The following ST3GAL1 variants were observed in gnomAD, a reference collection of about 807,000 sequenced individuals.
The protein encoded by ST3GAL1 is ST3 beta-galactoside alpha-2,3-sialyltransferase 1, also known as CMP-N-acetylneuraminate-beta-galactosamide-alpha-2,3-sialyltransferase 1.
A neutral mutation model predicts 34.1 loss-of-function variants in ST3GAL1; 16 were observed. The ratio of observed to expected loss-of-function variants is 0.47; its 90% confidence interval spans 0.32 to 0.71. The LOEUF is 0.71. Among genes scored for constraint, ST3GAL1 ranks in the 30% least tolerant of loss-of-function variants. ST3GAL1 has a pLI of 0.04. For missense variants in ST3GAL1, 353 were observed against 447.4 expected (o/e 0.79, Z 1.90); for synonymous variants, 191 against 184.7 (o/e 1.03, Z -0.28).
At chr8:133,538,501 C>A (rs55936234) in intron 2 of ST3GAL1, among the ~76,000 whole-genome samples, 1 of 152,004 alleles carries the variant, frequency 6.6e-6, no homozygotes, top group Non-Finnish European at 1.5e-5. Context: ...GGCGACAGAG[C>A]GAGACTCCAT....
intron 2 of ST3GAL1, among the ~76,000 whole-genome samples, chr8:133,507,579 A>T (rs1817384240): frequency 6.6e-6 from 1 of 152,188 alleles, no homozygotes; most frequent in South Asian, 2.1e-4. Flanking sequence ...GAGATAATAT[A>T]GGCCAAGTCT....
At chr8:133,533,081 C>T (rs1006869569) in intron 2 of ST3GAL1, among the ~76,000 whole-genome samples, 2 of 152,152 alleles carry the variant, frequency 1.3e-5, no homozygotes, top group Admixed American at 1.3e-4. Flanking sequence ...TCTGAATTTC[C>T]GCTGGATGCT....
chr8:133,518,487 A>T (rs1817708491), intron 2 of ST3GAL1, among the ~76,000 whole-genome samples: 2 of 152,236 alleles, frequency 1.3e-5, no homozygotes, highest in South Asian at 2.1e-4. Flanking sequence ...GTTGGAAAAG[A>T]CTTTTAAAAG....
intron 1 of ST3GAL1, among the ~76,000 whole-genome samples, chr8:133,547,477 T>C (rs1028074859): frequency 6.6e-6 from 1 of 152,130 alleles, no homozygotes; most frequent in Non-Finnish European, 1.5e-5. Flanking sequence ...TTGCCATGGC[T>C]GGTCTTGAGC....
At chr8:133,553,553 G>A (rs1257129487) in intron 1 of ST3GAL1, among the ~76,000 whole-genome samples, 1 of 152,214 alleles carries the variant, frequency 6.6e-6, no homozygotes, top group Non-Finnish European at 1.5e-5. Context: ...CAGTACCTGT[G>A]TCTCCTCTTT....
chr8:133,502,360 G>T lies in ST3GAL1; in HGVS notation c.-428-3171C>A, dbSNP rs141601329. ...ACTGTATTTGGAGATAAGGCCTTTA[G>T]GAAGGTAATAAGGTTAAATGAGGTC... is the stretch of plus-strand genomic sequence containing the variant. On this transcript the variant is annotated intron_variant, in intron 2 of 9. Coordinates refer to ENST00000522652, the MANE Select transcript of ST3GAL1 (RefSeq NM_173344.3). Among the ~76,000 whole-genome samples, 300 of 151,326 alleles carry T rather than the reference G, an allele frequency of 2.0e-3. 5 individuals are homozygous for T. Among genetic ancestry groups the T allele is most frequent in the African/African-American group, 7.1e-3 (291 of 41,120 alleles).
intron 1 of ST3GAL1, among the ~76,000 whole-genome samples, chr8:133,547,063 T>C (rs1326896521): frequency 6.6e-6 from 1 of 151,186 alleles, no homozygotes; most frequent in Non-Finnish European, 1.5e-5. Context: ...CCCTCAACTC[T>C]TAACCACTGC....
intron 2 of ST3GAL1, among the ~76,000 whole-genome samples, chr8:133,540,780 CATAT>C (rs377640953): frequency 7.5e-5 from 6 of 80,012 alleles, no homozygotes; most frequent in South Asian, 4.0e-4. Flanking sequence ...TATATAGAGA[CATAT>C]ATATATATAG....
chr8:133,514,852 A>G (rs563747451), intron 2 of ST3GAL1, among the ~76,000 whole-genome samples: 1 of 151,978 alleles, frequency 6.6e-6, no homozygotes, highest in Admixed American at 6.6e-5. Context: ...CTTCAATTCA[A>G]TCCTGTGGGG....
intron 2 of ST3GAL1, among the ~76,000 whole-genome samples, chr8:133,524,607 G>A (rs1262371030): frequency 6.6e-6 from 1 of 152,262 alleles, no homozygotes; most frequent in Non-Finnish European, 1.5e-5. Context: ...GAAGCAGCAA[G>A]GGGTGTGTGG....
At chr8:133,525,481 C>A (rs1817941445) in intron 2 of ST3GAL1, among the ~76,000 whole-genome samples, 2 of 152,174 alleles carry the variant, frequency 1.3e-5, no homozygotes, top group African/African-American at 4.8e-5. Context: ...GAACTGGCAG[C>A]CTGGCCCCCA....
At chr8:133,470,769 G>A (rs1438131100) in intron 5 of ST3GAL1, among the ~76,000 whole-genome samples, 2 of 152,274 alleles carry the variant, frequency 1.3e-5, no homozygotes, top group East Asian at 3.9e-4. Flanking sequence ...TGAGGAGTCG[G>A]GCAAGTGGGA....
At position 133,475,739 on chromosome 8, in the gene ST3GAL1, C is replaced by T. The variant is rs769876910; in HGVS notation, c.286G>A (p.Asp96Asn). Residue 96 changes from aspartate to asparagine, a missense_variant, in exon 5 of 10, where the codon GAC (aspartate) becomes AAC (asparagine). Physicochemically the swap from Asp to Asn is conservative, Grantham distance 23. Transcript: ENST00000522652. ...CTCACCAGCCACCATCGGTAGGTGT[C>T]GTCCTCCAAGAGCGCGTTCTGGGCG... The part of the protein sequence containing the change: ...LTAQNALLED[D>N]TYRWWLRLQR... 1.1e-5 allele frequency: 17 copies of T among 1,602,342 alleles called. No individual in the cohort carries two copies. Among genetic ancestry groups the T allele is most frequent in the Admixed American group, 3.4e-5 (2 of 59,514 alleles).
chr8:133,464,041 G>A (rs1412565237), intron 7 of ST3GAL1, among the ~76,000 whole-genome samples: 1 of 147,174 alleles, frequency 6.8e-6, no homozygotes, highest in Non-Finnish European at 1.5e-5. Flanking sequence ...CCCACATCCG[G>A]GGGCTAGCTC....
intron 3 of ST3GAL1, among the ~76,000 whole-genome samples, chr8:133,487,364 ACATTAG>A (rs1405028367): frequency 8.2e-6 from 1 of 121,644 alleles, no homozygotes; most frequent in African/African-American, 2.9e-5. Flanking sequence ...ATTAACATTA[ACATTAG>A]GAAAATGTCA....
chr8:133,525,764 G>C (rs1817955280), intron 2 of ST3GAL1, among the ~76,000 whole-genome samples: 1 of 152,204 alleles, frequency 6.6e-6, no homozygotes, highest in South Asian at 2.1e-4. Flanking sequence ...ACCCAGCTGG[G>C]TTGCGACAGC....
At chr8:133,505,792 AG>A (rs1817315388) in intron 2 of ST3GAL1, among the ~76,000 whole-genome samples, 2 of 151,920 alleles carry the variant, frequency 1.3e-5, no homozygotes, top group Admixed American at 1.3e-4. Flanking sequence ...TAGTGGAGAC[AG>A]GGTTTCACTA....
At position 133,492,363 on chromosome 8, in the gene ST3GAL1, C is replaced by T. The variant is rs115900236; in HGVS notation, c.-374+6772G>A. 2.9e-3 allele frequency among the ~76,000 whole-genome samples: 443 copies of T among 152,332 alleles called. 1 individual carries two copies. The highest frequency in any genetic ancestry group is 0.014 in the Middle Eastern group (4 of 294). ...CTCTGTGCCAGGCTCCAAGTCAGCA[C>T]TTCTCTTAGGTTGCTTGTTTGACCT... is the stretch of plus-strand genomic sequence containing the variant. On this transcript the variant is annotated intron_variant, in intron 3 of 9. Coordinates refer to ENST00000522652, the MANE Select transcript of ST3GAL1 (RefSeq NM_173344.3).
At chr8:133,493,475 T>G (rs954129390) in intron 3 of ST3GAL1, among the ~76,000 whole-genome samples, 2 of 152,116 alleles carry the variant, frequency 1.3e-5, no homozygotes, top group Non-Finnish European at 2.9e-5. Flanking sequence ...TGAGTTTGCA[T>G]GTGGGGGATG....
Sources: allele counts gnomAD v4.1 joint callset (sites outside exome capture counted in the v4.1 genomes callset), GRCh38; gene constraint gnomAD v4.1.1; transcripts MANE v1.5; gene names NCBI Gene and HGNC (gene_info 2026-07-23, HGNC 2026-07-21).